The following ECT2L variants were observed in gnomAD, a reference collection of about 807,000 sequenced individuals.
The protein encoded by ECT2L is epithelial cell-transforming sequence 2 oncogene-like.
Under a neutral mutation model 122.8 loss-of-function variants are expected in ECT2L, and 126 were observed. The observed-to-expected ratio is 1.03, with a 90% CI of 0.89 to 1.19. The LOEUF is 1.19. Among genes scored for constraint, ECT2L ranks in the 50% most tolerant of loss-of-function variants. The probability of loss-of-function intolerance (pLI) is 0.00; values close to 1 mark genes in which losing one functional copy is unlikely to be tolerated. For missense variants in ECT2L, 1,012 were observed against 1,064.1 expected, an observed-to-expected ratio of 0.95 and a Z score of 0.68; for synonymous variants, 385 against 381.8, an observed-to-expected ratio of 1.01 and a Z score of -0.10.
intron 1 of ECT2L, 80 bp from the exon 2 acceptor site, chr6:138,812,758 T>G (rs1159159415): frequency 6.6e-6 from 1 of 152,586 alleles, no homozygotes; most frequent in Non-Finnish European, 1.5e-5. Flanking sequence ...TGAGCCAAGA[T>G]CGCTCCACTG....
At position 138,838,524 on chromosome 6, in the gene ECT2L, T is replaced by C. The variant is rs1194656832; in HGVS notation, c.342+10T>C. 1 of 1,606,184 alleles carries C rather than the reference T, an allele frequency of 6.2e-7. No homozygotes were observed. Among genetic ancestry groups the C allele is most frequent in the East Asian group, 2.2e-5 (1 of 44,822 alleles). On this transcript the variant is annotated intron_variant, in intron 5 of 21. Transcript: ENST00000541398. Reference sequence around the variant, plus strand: ...GTTTTTAACTGAACAGGTTTACTATTTGCCACTTCCTAGTAATAGGGCACA... The same window carrying C: ...GTTTTTAACTGAACAGGTTTACTATCTGCCACTTCCTAGTAATAGGGCACA...
At chr6:138,854,202 G>A (rs1220172616) in intron 10 of ECT2L, 48 bp downstream of exon 10, 1 of 1,550,830 alleles carries the variant, frequency 6.4e-7, no homozygotes, top group East Asian at 2.3e-5. Flanking sequence ...GCCACTTCAT[G>A]GGGATATGTT....
intron 1 of ECT2L, among the ~76,000 whole-genome samples, chr6:138,807,463 A>G (rs1446119104): frequency 6.6e-6 from 1 of 152,124 alleles, no homozygotes. Context: ...TAACAGTGTT[A>G]CTAACTTTCC....
At chr6:138,837,948 T>A (rs563416813) in intron 4 of ECT2L, among the ~76,000 whole-genome samples, 8 of 151,730 alleles carry the variant, frequency 5.3e-5, no homozygotes, top group Non-Finnish European at 8.8e-5. Context: ...TTGCCCAGGC[T>A]GGAGTGCAGT....
Position 138,814,608 on chromosome 6 carries a change from A to T in ECT2L, c.179+5A>T. 6.7e-7 allele frequency: 1 copy of T among 1,502,546 alleles called. No individual in the cohort carries two copies. Among genetic ancestry groups the T allele is most frequent in the East Asian group, 2.3e-5 (1 of 44,266 alleles). 93.1% of individuals were successfully genotyped at this position (1,502,546 alleles called of 1,614,324 possible). A position where few individuals can be genotyped will look rare whatever the true frequency, so the allele number is the denominator to read the frequency against. On this transcript the variant is annotated splice_donor_5th_base_variant and intron_variant, in intron 4 of 21. Coordinates refer to ENST00000541398, the MANE Select transcript of ECT2L (RefSeq NM_001077706.3). ...ATGCACTAAATCACAATTAAGGTAA[A>T]TGTAGCCTAATGATGTAATTAACAT...
rs761862346 is a variant in ECT2L, at chr6:138,865,059, C to T, written c.1355C>T (p.Ser452Leu). 11 of 1,613,922 alleles carry T rather than the reference C, an allele frequency of 6.8e-6. No homozygotes were observed. The highest frequency in any genetic ancestry group is 2.2e-5 in the South Asian group (2 of 91,062). Residue 452 changes from serine (S) to leucine (L), a missense_variant, in exon 12 of 22, where the codon TCG becomes TTG. Ser to Leu is a moderately radical substitution (Grantham distance 145). Coordinates refer to ENST00000541398, the MANE Select transcript of ECT2L (RefSeq NM_001077706.3). ...KAPSSIYFCE[S>L]KLQTWSSFTD... ...CCCTCTTCCATCTACTTCTGCGAATCGAAGCTACAGACGTGGTCCAGCTTC... is the reference window on the plus strand; with the variant it reads ...CCCTCTTCCATCTACTTCTGCGAATTGAAGCTACAGACGTGGTCCAGCTTC...
chr6:138,814,568 C>G lies in ECT2L; in HGVS notation c.144C>G (p.Phe48Leu). 6.2e-7 allele frequency: 1 copy of G among 1,611,270 alleles called. No homozygotes were observed. The highest frequency in any genetic ancestry group is 8.5e-7 in the Non-Finnish European group (1 of 1,178,136). The stretch of plus-strand genomic sequence containing the variant: ...ACAAGCAACGTCAAGAATTCTTATT[C>G]GCAATTTTTTTAAGATGCACTAAAT... The part of the protein sequence containing the change: ...WTNKQRQEFL[F>L]AIFLRCTKSQ... The change falls in exon 4 of 22, where the codon TTC becomes TTG. Residue 48 changes from phenylalanine (F) to leucine (L), a missense_variant. Transcript: ENST00000541398.
At chr6:138,833,068 A>G (rs895605286) in intron 4 of ECT2L, among the ~76,000 whole-genome samples, 1 of 152,132 alleles carries the variant, frequency 6.6e-6, no homozygotes, top group Non-Finnish European at 1.5e-5. Flanking sequence ...CCAATAAAAC[A>G]TTGGATCTCA....
At chr6:138,834,529 G>T (rs553168078) in intron 4 of ECT2L, among the ~76,000 whole-genome samples, 2 of 152,140 alleles carry the variant, frequency 1.3e-5, no homozygotes, top group Non-Finnish European at 2.9e-5. Context: ...AGGTGGGAAG[G>T]TAGTAGACAT....
At chr6:138,890,500 T>TTTTTTTA (rs1778983888) in intron 20 of ECT2L, among the ~76,000 whole-genome samples, 1 of 39,898 alleles carries the variant, frequency 2.5e-5, no homozygotes, top group South Asian at 7.1e-4. Context: ...ATCTTTTTTT[T>TTTTTTTA]TTTTTTTTTT....
chr6:138,879,477 T>C (rs1013497024), intron 14 of ECT2L: 1 of 152,234 alleles, frequency 6.6e-6, no homozygotes, highest in Non-Finnish European at 1.5e-5. Context: ...GAAATTTAGA[T>C]ATTATAAATT....
intron 16 of ECT2L, among the ~76,000 whole-genome samples, chr6:138,885,201 T>C (rs947761633): frequency 6.6e-6 from 1 of 151,946 alleles, no homozygotes; most frequent in African/African-American, 2.4e-5. Context: ...GCCAATTTTT[T>C]GTATTTTTAG....
Position 138,881,095 on chromosome 6 carries a change from TCAAA to T in ECT2L, c.1807_1810del (p.Asn603GlufsTer4), listed in dbSNP as rs1778630529. ...CGCACCACTGAAAGCAGCATTGTCA[TCAAA>T]CAGAGCGATTCTGAGTGCTGCCAAT... On this transcript the variant is annotated frameshift_variant, in exon 15 of 22. Transcript: ENST00000541398. LOFTEE classifies it high-confidence loss of function. 3 of 1,614,110 alleles carry T rather than the reference TCAAA, an allele frequency of 1.9e-6. No homozygotes were observed. Among genetic ancestry groups the T allele is most frequent in the Admixed American group, 1.7e-5 (1 of 60,002 alleles).
intron 13 of ECT2L, among the ~76,000 whole-genome samples, chr6:138,874,761 T>A (rs1004238785): frequency 2.0e-5 from 3 of 152,228 alleles, no homozygotes; most frequent in Non-Finnish European, 1.5e-5. Flanking sequence ...GTTTTGTTTT[T>A]GTTTTTTGAG....
chr6:138,900,340 A>G (rs1779357468), intron 20 of ECT2L, among the ~76,000 whole-genome samples: 1 of 151,790 alleles, frequency 6.6e-6, no homozygotes, highest in Non-Finnish European at 1.5e-5. Flanking sequence ...TCTGACTCCC[A>G]GGTTCAAGTG....
chr6:138,808,878 C>T (rs1055430776), intron 1 of ECT2L, among the ~76,000 whole-genome samples: 1 of 152,058 alleles, frequency 6.6e-6, no homozygotes, highest in Non-Finnish European at 1.5e-5. Context: ...AGGCATGCAC[C>T]ACCATGCCCA....
intron 4 of ECT2L, 24 bp from the exon 5 acceptor site, chr6:138,838,328 A>G (rs1776916529): frequency 6.4e-7 from 1 of 1,560,908 alleles, no homozygotes; most frequent in Admixed American, 2.1e-5. Flanking sequence ...TAGTGTTCTA[A>G]ACTAAATTTC....
chr6:138,853,492 A>C lies in ECT2L; in HGVS notation c.1070-534A>C, dbSNP rs77975719. ...AGAATTCTTTGCCTGTTTTCATTTCATCACCGGAGCCTGGGGATGCGGAGT... is the reference window on the plus strand; with the variant it reads ...AGAATTCTTTGCCTGTTTTCATTTCCTCACCGGAGCCTGGGGATGCGGAGT... On this transcript the variant is annotated intron_variant, in intron 9 of 21. Transcript: ENST00000541398. Among the ~76,000 whole-genome samples the C allele has an allele frequency of 5.3e-5, 8 of 152,204 alleles. No homozygotes were observed. In the East Asian group the frequency reaches 1.5e-3, roughly 29 times the overall value.
At chr6:138,851,481 C>G (rs1163316637) in intron 9 of ECT2L, among the ~76,000 whole-genome samples, 3 of 127,438 alleles carry the variant, frequency 2.4e-5, no homozygotes, top group East Asian at 4.7e-4. Context: ...CTGTGCCTAG[C>G]CTTTTTTTTT....
Sources: allele counts gnomAD v4.1 joint callset (sites outside exome capture counted in the v4.1 genomes callset), GRCh38; gene constraint gnomAD v4.1.1; transcripts MANE v1.5; gene names NCBI Gene and HGNC (gene_info 2026-07-23, HGNC 2026-07-21).